The following PRKCB variants were observed in gnomAD, a reference collection of about 807,000 sequenced individuals.
PRKCB encodes the protein protein kinase C beta type.
In PRKCB, 13 loss-of-function variants were observed where a neutral mutation model predicts 81.5. That is an observed-to-expected ratio of 0.16 (90% CI 0.10 to 0.25). The LOEUF is 0.25. Ranked by LOEUF, PRKCB falls within the 10% of genes least tolerant of loss-of-function variation. PRKCB has a pLI of 1.00. For synonymous variants in PRKCB, 335 were observed against 321.4 expected, an observed-to-expected ratio of 1.04 and a Z score of -0.45; for missense variants, 509 against 875.7, an observed-to-expected ratio of 0.58 and a Z score of 5.29.
chr16:24,213,017 T>C (rs1480516802), intron 16 of PRKCB, among the ~76,000 whole-genome samples: 1 of 131,346 alleles, frequency 7.6e-6, no homozygotes, highest in Non-Finnish European at 1.7e-5. Flanking sequence ...TATTTATTTA[T>C]TTATTTATTT....
At chr16:23,901,159 C>T (rs1335067737) in intron 2 of PRKCB, among the ~76,000 whole-genome samples, 5 of 152,068 alleles carry the variant, frequency 3.3e-5, no homozygotes, top group African/African-American at 4.8e-5. Context: ...TTAATTGTGT[C>T]TGTCATCCTG....
At chr16:24,177,598 G>A (rs991445333) in intron 12 of PRKCB, among the ~76,000 whole-genome samples, 1 of 152,168 alleles carries the variant, frequency 6.6e-6, no homozygotes, top group African/African-American at 2.4e-5. Flanking sequence ...GAAACTAGCG[G>A]CCAAGGAAGC....
At chr16:23,928,137 T>C (rs2141753047) in intron 2 of PRKCB, among the ~76,000 whole-genome samples, 1 of 152,162 alleles carries the variant, frequency 6.6e-6, no homozygotes, top group Middle Eastern at 3.4e-3. Flanking sequence ...TTATTTTTAT[T>C]TTTTTGAGAT....
chr16:24,181,789 A>AAAAAAAAAAAG (rs1013403340), intron 13 of PRKCB, among the ~76,000 whole-genome samples: 2,663 of 136,902 alleles, frequency 0.019, 166 homozygotes, highest in East Asian at 0.044. Context: ...AAAAAAAAAA[A>AAAAAAAAAAAG]AAGAAGAAGA....
At chr16:24,104,733 G>A (rs2141910557) in intron 7 of PRKCB, among the ~76,000 whole-genome samples, 1 of 152,306 alleles carries the variant, frequency 6.6e-6, no homozygotes, top group African/African-American at 2.4e-5. Flanking sequence ...AGGCCCTGGG[G>A]CAGGAGTGCA....
intron 2 of PRKCB, among the ~76,000 whole-genome samples, chr16:23,956,101 A>C (rs1964346193): frequency 6.6e-6 from 1 of 152,148 alleles, no homozygotes. Flanking sequence ...AAACAAAAAA[A>C]GAGATCATAT....
intron 10 of PRKCB, among the ~76,000 whole-genome samples, chr16:24,161,013 TA>T (rs755293224): frequency 9.7e-4 from 143 of 148,080 alleles, no homozygotes; most frequent in African/African-American, 3.7e-4. Context: ...CAGCTACCTT[TA>T]AAAAAAAAAG....
At chr16:24,171,775 C>A (rs959454461) in intron 10 of PRKCB, among the ~76,000 whole-genome samples, 1 of 152,056 alleles carries the variant, frequency 6.6e-6, no homozygotes, top group Non-Finnish European at 1.5e-5. Flanking sequence ...ACTCTGTCAC[C>A]CAAGCTGGAG....
chr16:24,110,508 ACC>A, intron 7 of PRKCB, among the ~76,000 whole-genome samples: 2 of 112,670 alleles, frequency 1.8e-5, no homozygotes, highest in Non-Finnish European at 1.7e-5. Context: ...ACCATGCCCA[ACC>A]TTTTTTTTTT....
intron 5 of PRKCB, among the ~76,000 whole-genome samples, chr16:24,042,284 T>C (rs977480762): frequency 2.0e-5 from 3 of 152,166 alleles, no homozygotes; most frequent in Non-Finnish European, 4.4e-5. Flanking sequence ...CCCCAATTTG[T>C]GAAACCACAG....
At chr16:23,882,012 T>TTCTTTCTCTTTCTTTCTTTCTTTC (rs1163914139) in intron 2 of PRKCB, among the ~76,000 whole-genome samples, 65 of 101,952 alleles carry the variant, frequency 6.4e-4, no homozygotes, top group Non-Finnish European at 9.3e-4. Context: ...CTTTCTTTCT[T>TTCTTTCTCTTTCTTTCTTTCTTTC]TCTTTCTTTC....
chr16:24,185,621 C>T, intron 15 of PRKCB, 54 bp downstream of exon 15: 3 of 1,457,212 alleles, frequency 2.1e-6, no homozygotes, highest in Non-Finnish European at 2.9e-6. Context: ...GGCATGTGGG[C>T]TGTACCTTGC....
At chr16:24,072,488 G>A (rs957786062) in intron 5 of PRKCB, among the ~76,000 whole-genome samples, 11 of 152,008 alleles carry the variant, frequency 7.2e-5, no homozygotes, top group Admixed American at 4.6e-4. Context: ...GGCCTCAAGT[G>A]ATCCTCCCAC....
chr16:24,094,181 C>T lies in PRKCB; in HGVS notation c.705C>T (p.Asp235=), dbSNP rs771584055. Reference sequence around the variant, plus strand: ...TATGCAGTCAGCTGAAAGAATCGGACAAAGACAGAAGACTGTCAGTAGAGA... The same window carrying T: ...TATGCAGTCAGCTGAAAGAATCGGATAAAGACAGAAGACTGTCAGTAGAGA... ...ETFRFQLKES[D]KDRRLSVEIW... is the part of the protein sequence containing the mutation. The change falls in exon 7 of 17, where the codon GAC becomes GAT. Residue 235 remains aspartate (D), a synonymous_variant. Transcript: ENST00000643927. The T allele has an allele frequency of 1.9e-6, 3 of 1,614,030 alleles. No homozygotes were observed. In the Admixed American group the frequency reaches 5.0e-5, roughly 27 times the overall value.
At chr16:23,972,046 G>A (rs1596492628) in intron 2 of PRKCB, among the ~76,000 whole-genome samples, 1 of 152,280 alleles carries the variant, frequency 6.6e-6, no homozygotes, top group South Asian at 2.1e-4. Context: ...ATATTGATCA[G>A]TAGATGAATG....
rs948407066 is a variant in PRKCB at position 23,857,747 on chromosome 16, C to A, written c.205+20341C>A. 4.6e-5 allele frequency among the ~76,000 whole-genome samples: 7 copies of A among 151,936 alleles called. 1 individual carries two copies. The highest frequency in any genetic ancestry group is 3.9e-4 in the Admixed American group (6 of 15,246). ...GTGTGTGTGTGTGGGTGTGTGCGCA[C>A]GTGCGTCTGCAGTCCCTAGAAGGAT... On this transcript the variant is annotated intron_variant, in intron 2 of 16. Transcript: ENST00000643927.
At chr16:23,845,868 A>G (rs1962358816) in intron 2 of PRKCB, among the ~76,000 whole-genome samples, 1 of 152,226 alleles carries the variant, frequency 6.6e-6, no homozygotes. Context: ...CTAAAGAAGA[A>G]AAATCAGACA....
chr16:23,922,307 C>G (rs967504278), intron 2 of PRKCB, among the ~76,000 whole-genome samples: 2 of 152,124 alleles, frequency 1.3e-5, no homozygotes, highest in Non-Finnish European at 2.9e-5. Context: ...TAAAGGGGCA[C>G]CAGTAGTAAT....
intron 5 of PRKCB, among the ~76,000 whole-genome samples, chr16:24,051,743 G>C (rs1313650491): frequency 2.6e-5 from 4 of 152,126 alleles, no homozygotes; most frequent in African/African-American, 9.7e-5. Context: ...CCCAGGCATG[G>C]TAGTGCAGCA....
Sources: gnomAD v4.1 joint callset for allele counts (sites outside exome capture counted in the v4.1 genomes callset) on GRCh38, gnomAD v4.1.1 for gene constraint, MANE v1.5 for transcripts, NCBI Gene and HGNC (gene_info 2026-07-23, HGNC 2026-07-21) for gene names.